RASL12: variants seen among roughly 807,000 people sequenced by gnomAD.
RASL12 encodes the protein ras-like protein family member 12.
A neutral mutation model predicts 22.9 loss-of-function variants in RASL12; 16 were observed. The ratio of observed to expected loss-of-function variants is 0.70; its 90% CI spans 0.47 to 1.06. The LOEUF (loss-of-function observed/expected upper bound fraction) is 1.06, where lower values mean the gene tolerates loss of function less well. RASL12 is among the 50% of genes least tolerant of loss of function. The pLI is 0.00. For synonymous variants in RASL12, 159 were observed against 152.2 expected, an observed-to-expected ratio of 1.04 and a Z score of -0.33; for missense variants, 306 against 353.1, an observed-to-expected ratio of 0.87 and a Z score of 1.07.
the RASL12 span, among the ~76,000 whole-genome samples, chr15:65,045,888 G>A: frequency 6.6e-6 from 1 of 152,206 alleles, no homozygotes; most frequent in Non-Finnish European, 1.5e-5. Flanking sequence ...GTCTTTGGCC[G>A]GGCGCAGTGG....
intron 1 of RASL12, among the ~76,000 whole-genome samples, chr15:65,066,651 C>T (rs560682814): frequency 3.9e-5 from 6 of 152,304 alleles, no homozygotes; most frequent in South Asian, 4.1e-4. Context: ...ACTGGCTAAA[C>T]GGTACCGGTT....
At position 65,054,963 on chromosome 15, in the gene RASL12, G is replaced by A. The variant is rs778472517; in HGVS notation, c.737C>T (p.Ser246Phe). The change falls in exon 5 of 5, where the codon TCC becomes TTC. Residue 246 changes from serine to phenylalanine, a missense_variant. Physicochemically the swap from Ser to Phe is radical, Grantham distance 155. Transcript: ENST00000220062. ...CGCCTTGCGCTTGCTCTGGGCCCGG[G>A]ATGACTTCACGGTGACCAGCTTGGC... ...AQAKLVTVKS[S>F]RAQSKRKAPT... 3.7e-6 allele frequency: 6 copies of A among 1,614,086 alleles called. No individual in the cohort carries two copies. In the African/African-American group the frequency reaches 8.0e-5, roughly 22 times the overall value.
intron 4 of RASL12, among the ~76,000 whole-genome samples, chr15:65,058,053 G>A (rs751404584): frequency 6.6e-6 from 1 of 152,160 alleles, no homozygotes; most frequent in Non-Finnish European, 1.5e-5. Flanking sequence ...GGCGGATCAT[G>A]AGTTCAGGAG....
the RASL12 span, among the ~76,000 whole-genome samples, chr15:65,047,131 C>T: frequency 1.6e-4 from 24 of 151,828 alleles, no homozygotes; most frequent in Non-Finnish European, 2.6e-4. Context: ...CTGAGGTAGG[C>T]GGATCACCAA....
At chr15:65,073,814 G>A (rs2086947569) in intron 1 of RASL12, among the ~76,000 whole-genome samples, 1 of 152,186 alleles carries the variant, frequency 6.6e-6, no homozygotes, top group Admixed American at 6.5e-5. Context: ...AGAAATAATA[G>A]TATCTACTCC....
chr15:65,060,533 C>G (rs2086789191), intron 2 of RASL12, among the ~76,000 whole-genome samples: 1 of 152,200 alleles, frequency 6.6e-6, no homozygotes, highest in Non-Finnish European at 1.5e-5. Flanking sequence ...GATCTCAAAT[C>G]TGAGAAAGCA....
chr15:65,060,133 T>C, intron 2 of RASL12, among the ~76,000 whole-genome samples: 1 of 152,230 alleles, frequency 6.6e-6, no homozygotes, highest in East Asian at 1.9e-4. Flanking sequence ...TCCCAGGCGC[T>C]GTGCTAAGTG....
chr15:65,049,332 A>AG (rs1252285264), downstream of RASL12: 2 of 150,638 alleles, frequency 1.3e-5, no homozygotes, highest in Admixed American at 1.3e-4. Context: ...TTGTCCAAAA[A>AG]AAAAAGAAAA....
At chr15:65,062,813 C>T (rs1427846304) in intron 2 of RASL12, among the ~76,000 whole-genome samples, 2 of 152,234 alleles carry the variant, frequency 1.3e-5, no homozygotes, top group Non-Finnish European at 2.9e-5. Context: ...AGGTTCTCAT[C>T]TGTCTCTGCT....
At chr15:65,068,397 G>C, upstream of RASL12, 1 of 628,182 alleles carries the variant, frequency 1.6e-6, no homozygotes. The surrounding 1 kb of genome is among the most constrained non-coding windows in gnomAD (Gnocchi z 4.2). Context: ...CCTTTCTTTA[G>C]CTCAGCCTTG....
chr15:65,066,615 A>C (rs567358688), intron 1 of RASL12, among the ~76,000 whole-genome samples: 38 of 152,218 alleles, frequency 2.5e-4, no homozygotes, highest in Non-Finnish European at 4.4e-4. Context: ...ATATTTTAAA[A>C]TTTAAATTCT....
chr15:65,069,213 ATTGACT>A (rs1416616931), upstream of RASL12, among the ~76,000 whole-genome samples: 7 of 152,230 alleles, frequency 4.6e-5, no homozygotes, highest in Admixed American at 6.5e-5. Context: ...GGACATGAAT[ATTGACT>A]CAGCCTAGTT....
chr15:65,058,598 TCG>T lies in RASL12; in HGVS notation c.252_253del (p.Cys84Ter), dbSNP rs2086763641. The T allele has an allele frequency of 1.3e-6, 2 of 1,575,678 alleles. No individual in the cohort carries two copies. Among genetic ancestry groups the T allele is most frequent in the Non-Finnish European group, 1.7e-6 (2 of 1,154,480 alleles). Reference sequence around the variant, plus strand: ...GGCATGGGCCCAGTTCAGGTAGCGCTCGCAGTTCCTGGGGGTGTCCTGGGGTG... The same window carrying T: ...GGCATGGGCCCAGTTCAGGTAGCGCTCAGTTCCTGGGGGTGTCCTGGGGTG... On this transcript the variant is annotated stop_gained and frameshift_variant, in exon 4 of 5. Coordinates refer to ENST00000220062, the MANE Select transcript of RASL12 (RefSeq NM_016563.4). LOFTEE classifies it high-confidence loss of function.
chr15:65,058,662 G>C (rs998245178), intron 3 of RASL12, 45 bp from the exon 4 acceptor site: 1 of 1,420,910 alleles, frequency 7.0e-7, no homozygotes. Flanking sequence ...GAGGAGGTTG[G>C]GGTAAAGGCC....
downstream of RASL12, chr15:65,051,705 T>G: frequency 9.3e-7 from 1 of 1,071,330 alleles, no homozygotes; most frequent in Non-Finnish European, 1.4e-6. Context: ...GGGTCATTGC[T>G]GTCCACCCTT....
intron 1 of RASL12, among the ~76,000 whole-genome samples, chr15:65,073,969 C>T (rs1423848844): frequency 1.3e-5 from 2 of 152,208 alleles, no homozygotes; most frequent in African/African-American, 4.8e-5. Flanking sequence ...AATTCCTTTT[C>T]CCAGGATCTG....
At chr15:65,067,652 GC>G in intron 1 of RASL12, 80 bp downstream of exon 1, 15 of 1,446,412 alleles carry the variant, frequency 1.0e-5, no homozygotes, top group Non-Finnish European at 1.4e-5. Context: ...GGAAGAACCT[GC>G]CCCCAAGAGC....
At chr15:65,056,832 T>C (rs1397698743) in intron 4 of RASL12, among the ~76,000 whole-genome samples, 3 of 152,208 alleles carry the variant, frequency 2.0e-5, no homozygotes, top group African/African-American at 7.2e-5. Context: ...TAGGAATACA[T>C]TGTCCTGAGT....
intron 2 of RASL12, among the ~76,000 whole-genome samples, chr15:65,060,441 A>G (rs2086787816): frequency 6.6e-6 from 1 of 152,246 alleles, no homozygotes; most frequent in Admixed American, 6.5e-5. Context: ...AGAAATTTAC[A>G]TTGATACCAT....
Sources: allele counts gnomAD v4.1 joint callset (sites outside exome capture counted in the v4.1 genomes callset), GRCh38; gene constraint gnomAD v4.1.1; non-coding constraint Gnocchi (gnomAD v3.1); transcripts MANE v1.5; gene names NCBI Gene and HGNC (gene_info 2026-07-23, HGNC 2026-07-21).